Variants in CACNB2 observed in about 807,000 individuals in gnomAD.
The protein encoded by CACNB2 is calcium voltage-gated channel auxiliary subunit beta 2.
Under a neutral mutation model 73.3 loss-of-function variants are expected in CACNB2, and 42 were observed. That is an observed-to-expected ratio of 0.57 (90% CI 0.45 to 0.74). The LOEUF is 0.74. Among genes scored for constraint, CACNB2 ranks in the 30% least tolerant of loss-of-function variants. The probability of loss-of-function intolerance (pLI) is 0.00; values close to 1 mark genes in which losing one functional copy is unlikely to be tolerated. For synonymous variants in CACNB2, 348 were observed against 310.3 expected, an observed-to-expected ratio of 1.12 and a Z score of -1.28; for missense variants, 940 against 853.0, an observed-to-expected ratio of 1.10 and a Z score of -1.27.
chr10:18,390,600 A>G (rs1467079665), intron 2 of CACNB2, among the ~76,000 whole-genome samples: 1 of 152,126 alleles, frequency 6.6e-6, no homozygotes, highest in Non-Finnish European at 1.5e-5. Context: ...GCATTCCTTT[A>G]TATTACCCAA....
At chr10:18,299,872 T>C (rs1343963363) in intron 2 of CACNB2, among the ~76,000 whole-genome samples, 1 of 152,166 alleles carries the variant, frequency 6.6e-6, no homozygotes, top group Non-Finnish European at 1.5e-5. Context: ...TGCTGGACCA[T>C]GCTACTTAAA....
intron 2 of CACNB2, among the ~76,000 whole-genome samples, chr10:18,310,112 C>A (rs1255887390): frequency 6.6e-6 from 1 of 151,440 alleles, no homozygotes; most frequent in Non-Finnish European, 1.5e-5. Context: ...TTTTTTTCAA[C>A]TTGCGTGCTA....
chr10:18,483,734 T>C (rs992334643), intron 3 of CACNB2, among the ~76,000 whole-genome samples: 5 of 152,240 alleles, frequency 3.3e-5, no homozygotes, highest in Non-Finnish European at 5.9e-5. Context: ...CTTGTCAGCA[T>C]GTACTTTGTA....
chr10:18,453,403 G>C (rs1445592606), intron 3 of CACNB2, among the ~76,000 whole-genome samples: 1 of 152,078 alleles, frequency 6.6e-6, no homozygotes, highest in Non-Finnish European at 1.5e-5. Flanking sequence ...AGGTACTCTT[G>C]TCTCCCTCCA....
intron 9 of CACNB2, among the ~76,000 whole-genome samples, chr10:18,524,875 A>AT (rs1473608210): frequency 6.7e-6 from 1 of 149,858 alleles, no homozygotes; most frequent in Non-Finnish European, 1.5e-5. Flanking sequence ...AAAAAAAAAA[A>AT]AAAAATTAGC....
chr10:18,416,680 C>G (rs2044986640), intron 3 of CACNB2, among the ~76,000 whole-genome samples: 1 of 152,126 alleles, frequency 6.6e-6, no homozygotes, highest in Non-Finnish European at 1.5e-5. Flanking sequence ...CCGAAGTTTT[C>G]TTTAAATCTT....
intron 3 of CACNB2, among the ~76,000 whole-genome samples, chr10:18,423,460 G>A (rs2045436094): frequency 1.3e-5 from 2 of 152,160 alleles, no homozygotes; most frequent in African/African-American, 4.8e-5. Flanking sequence ...ACTAGCAGTT[G>A]CCAGGGCTTT....
At chr10:18,377,805 T>A (rs1343351556) in intron 2 of CACNB2, among the ~76,000 whole-genome samples, 1 of 152,226 alleles carries the variant, frequency 6.6e-6, no homozygotes, top group Non-Finnish European at 1.5e-5. Flanking sequence ...GCGCTACAGA[T>A]GCCACTTGGT....
intron 2 of CACNB2, among the ~76,000 whole-genome samples, chr10:18,276,478 C>T (rs1281254541): frequency 6.6e-6 from 1 of 152,152 alleles, no homozygotes; most frequent in Non-Finnish European, 1.5e-5. Flanking sequence ...AGCAGTGGAG[C>T]AGGAGCTGAA....
At chr10:18,372,304 C>G (rs1157586814) in intron 2 of CACNB2, among the ~76,000 whole-genome samples, 1 of 152,116 alleles carries the variant, frequency 6.6e-6, no homozygotes, top group African/African-American at 2.4e-5. Context: ...ATGGTATTGC[C>G]TAGGTTTTCT....
At chr10:18,334,319 T>C (rs2040918293) in intron 2 of CACNB2, among the ~76,000 whole-genome samples, 1 of 152,138 alleles carries the variant, frequency 6.6e-6, no homozygotes, top group Non-Finnish European at 1.5e-5. Flanking sequence ...GTCTGTGCGC[T>C]TCTCCCAGAA....
intron 2 of CACNB2, among the ~76,000 whole-genome samples, chr10:18,153,887 C>CT (rs2031815928): frequency 6.8e-6 from 1 of 147,138 alleles, no homozygotes; most frequent in South Asian, 2.3e-4. Flanking sequence ...CGGCAGCATA[C>CT]TAGATTATTA....
intron 2 of CACNB2, among the ~76,000 whole-genome samples, chr10:18,350,939 T>C (rs919083078): frequency 6.6e-6 from 1 of 152,190 alleles, no homozygotes; most frequent in Non-Finnish European, 1.5e-5. Context: ...AAAACCATTT[T>C]TAATCTTCTC....
At chr10:18,531,781 TTATC>T (rs1347617322) in intron 10 of CACNB2, 4 of 152,194 alleles carry the variant, frequency 2.6e-5, no homozygotes, top group Admixed American at 6.5e-5. Flanking sequence ...CTTCTCTTCT[TTATC>T]TAAGAGGAAA....
At chr10:18,374,738 T>C (rs111287026) in intron 2 of CACNB2, among the ~76,000 whole-genome samples, 3 of 152,298 alleles carry the variant, frequency 2.0e-5, no homozygotes, top group Admixed American at 6.5e-5. Flanking sequence ...AGAATCACAA[T>C]GTAGCACTAA....
intron 2 of CACNB2, among the ~76,000 whole-genome samples, chr10:18,322,959 C>CT (rs35664294): frequency 0.16 from 16,950 of 106,356 alleles, 1,817 homozygotes; most frequent in Admixed American, 0.22. Flanking sequence ...TGGTGATATT[C>CT]TTTTTTTTTT....
chr10:18,320,048 C>T (rs967383750), intron 2 of CACNB2, among the ~76,000 whole-genome samples: 3 of 152,124 alleles, frequency 2.0e-5, no homozygotes, highest in African/African-American at 7.2e-5. Context: ...CATCATTCCA[C>T]CGAGTATCAC....
intron 3 of CACNB2, among the ~76,000 whole-genome samples, chr10:18,483,341 G>A (rs1444252725): frequency 2.6e-5 from 4 of 151,778 alleles, no homozygotes; most frequent in African/African-American, 9.7e-5. Flanking sequence ...GACCAGCCTG[G>A]CCAACATGGT....
rs541288788 is a variant in CACNB2 at position 18,152,996 on chromosome 10, C to G, written c.213+2021C>G. Among the ~76,000 whole-genome samples the G allele has an allele frequency of 7.2e-5, 11 of 152,182 alleles. No individual in the cohort carries two copies. In the South Asian group the frequency reaches 2.3e-3, roughly 32 times the overall value. On this transcript the variant is annotated intron_variant, in intron 2 of 13. Transcript: ENST00000324631. ...CCTTTTTCATAGAGTTTTAATAACC[C>G]AATTCACATGGCAAGGAGGGATTAC...
Sources: gnomAD v4.1 joint callset for allele counts (sites outside exome capture counted in the v4.1 genomes callset) on GRCh38, gnomAD v4.1.1 for gene constraint, MANE v1.5 for transcripts, NCBI Gene and HGNC (gene_info 2026-07-23, HGNC 2026-07-21) for gene names.